Variants in PCTP observed in about 807,000 individuals in gnomAD.
PCTP encodes the protein phosphatidylcholine transfer protein.
Under a neutral mutation model 31.0 loss-of-function variants are expected in PCTP, and 27 were observed. That is an observed-to-expected ratio of 0.87 (90% CI 0.64 to 1.20). The LOEUF is 1.20. Among genes scored for constraint, PCTP ranks in the 50% most tolerant of loss-of-function variants. The probability of loss-of-function intolerance (pLI) is 0.00; values close to 1 mark genes in which losing one functional copy is unlikely to be tolerated. For synonymous variants in PCTP, 108 were observed against 101.2 expected (o/e 1.07, Z -0.40); for missense variants, 287 against 268.2 (o/e 1.07, Z -0.49).
rs571681414 is a variant in PCTP at position 55,773,768 on chromosome 17, G to A, written c.384G>A (p.Arg128=). The A allele has an allele frequency of 2.5e-6, 4 of 1,613,980 alleles. No homozygotes were observed. In the South Asian group the frequency reaches 4.4e-5, roughly 18 times the overall value. ...RQRRDLDMEG[R]KIHVILARST... Reference sequence around the variant, plus strand: ...GGCGAGACCTGGACATGGAAGGGAGGAAGATCCATGTGATCCTGGCCCGGA... The same window carrying A: ...GGCGAGACCTGGACATGGAAGGGAGAAAGATCCATGTGATCCTGGCCCGGA... The change falls in exon 4 of 6, where the codon AGG becomes AGA. Residue 128 remains arginine (R), a synonymous_variant. Transcript: ENST00000268896.
At chr17:55,831,175 G>C (rs924564316) in intron 5 of PCTP, among the ~76,000 whole-genome samples, 3 of 151,480 alleles carry the variant, frequency 2.0e-5, no homozygotes, top group Non-Finnish European at 4.4e-5. Flanking sequence ...TGAAATGCCA[G>C]GTTTAAAAAG....
intron 3 of PCTP, among the ~76,000 whole-genome samples, chr17:55,808,722 C>T (rs904230102): frequency 1.3e-5 from 2 of 152,142 alleles, no homozygotes; most frequent in Non-Finnish European, 2.9e-5. Context: ...CCTGCTGTAA[C>T]TAAGGGGCAG....
intron 1 of PCTP, among the ~76,000 whole-genome samples, chr17:55,766,703 A>C (rs1910681805): frequency 1.3e-5 from 2 of 152,122 alleles, no homozygotes; most frequent in African/African-American, 4.8e-5. Context: ...GCTATTGTGA[A>C]TAGAGCCGCA....
chr17:55,761,870 G>C (rs1435516950), intron 1 of PCTP, among the ~76,000 whole-genome samples: 1 of 151,950 alleles, frequency 6.6e-6, no homozygotes, highest in East Asian at 1.9e-4. Flanking sequence ...AGTCTTACCA[G>C]CACTATTCTG....
chr17:55,781,434 A>T (rs1911561523), downstream of PCTP, among the ~76,000 whole-genome samples: 2 of 152,226 alleles, frequency 1.3e-5, no homozygotes, highest in Admixed American at 1.3e-4. Context: ...TGAATAAATG[A>T]AATCCAGCAC....
downstream of PCTP, among the ~76,000 whole-genome samples, chr17:55,827,434 C>A (rs1417039473): frequency 6.6e-6 from 1 of 152,232 alleles, no homozygotes; most frequent in Non-Finnish European, 1.5e-5. Flanking sequence ...TTCAGTTAAG[C>A]CTGGCCCACA....
intron 5 of PCTP, among the ~76,000 whole-genome samples, chr17:55,837,905 G>T (rs1905828997): frequency 6.6e-6 from 1 of 152,156 alleles, no homozygotes; most frequent in African/African-American, 2.4e-5. Flanking sequence ...GGAGGCCATA[G>T]CTGGGAGAAT....
downstream of PCTP, among the ~76,000 whole-genome samples, chr17:55,843,830 A>G (rs1272466856): frequency 6.6e-6 from 1 of 152,238 alleles, no homozygotes; most frequent in African/African-American, 2.4e-5. Context: ...ATGTGTGTAT[A>G]TGAAATTAAA....
chr17:55,837,858 G>T (rs1014506417), intron 5 of PCTP, among the ~76,000 whole-genome samples: 1 of 152,162 alleles, frequency 6.6e-6, no homozygotes, highest in African/African-American at 2.4e-5. Context: ...AATGCAAGCT[G>T]AGTGCTGTGG....
downstream of PCTP, among the ~76,000 whole-genome samples, chr17:55,827,155 G>A (rs1356374245): frequency 6.6e-6 from 1 of 152,010 alleles, no homozygotes; most frequent in Admixed American, 6.6e-5. Context: ...TGCACTTTGA[G>A]TCTGAGCTAA....
At chr17:55,789,956 T>C (rs978752816) in intron 3 of PCTP, among the ~76,000 whole-genome samples, 1 of 152,156 alleles carries the variant, frequency 6.6e-6, no homozygotes, top group Admixed American at 6.5e-5. Context: ...TTATCCACCA[T>C]GATCAAGTGG....
At chr17:55,822,156 G>C (rs941392347) in intron 3 of PCTP, among the ~76,000 whole-genome samples, 1 of 152,180 alleles carries the variant, frequency 6.6e-6, no homozygotes, top group Admixed American at 6.6e-5. Flanking sequence ...GAGAAGGAAG[G>C]TGTTAAGCCC....
At chr17:55,817,362 A>G (rs1219888322) in intron 3 of PCTP, among the ~76,000 whole-genome samples, 2 of 152,202 alleles carry the variant, frequency 1.3e-5, no homozygotes, top group Non-Finnish European at 2.9e-5. Context: ...GAGTCCAGAA[A>G]GTTCCTCTTC....
At chr17:55,804,229 G>A (rs1912499108) in intron 3 of PCTP, among the ~76,000 whole-genome samples, 1 of 152,188 alleles carries the variant, frequency 6.6e-6, no homozygotes, top group Non-Finnish European at 1.5e-5. Context: ...TGCTGGAGGG[G>A]ATGTGGAGAA....
chr17:55,835,153 C>T (rs1476639228), intron 5 of PCTP, among the ~76,000 whole-genome samples: 1 of 152,152 alleles, frequency 6.6e-6, no homozygotes, highest in Non-Finnish European at 1.5e-5. Flanking sequence ...AGGAGGGATC[C>T]TCCCTTAGAG....
chr17:55,766,106 A>T (rs1430845757), intron 1 of PCTP, among the ~76,000 whole-genome samples: 1 of 152,092 alleles, frequency 6.6e-6, no homozygotes, highest in Non-Finnish European at 1.5e-5. Context: ...AATTACCTAG[A>T]TGGCACTTAT....
chr17:55,792,091 G>A (rs1912007511), intron 3 of PCTP, among the ~76,000 whole-genome samples: 1 of 144,488 alleles, frequency 6.9e-6, no homozygotes, highest in South Asian at 2.2e-4. Context: ...TCACTCATAG[G>A]TGGGAATTGA....
Position 55,773,735 on chromosome 17 carries a change from T to G in PCTP, c.351T>G (p.Leu117=). The G allele has an allele frequency of 1.2e-6, 2 of 1,613,018 alleles. No homozygotes were observed. The highest frequency in any genetic ancestry group is 8.5e-7 in the Non-Finnish European group (1 of 1,179,310). Residue 117 remains leucine (L), a synonymous_variant, in exon 4 of 6, where the codon CTT becomes CTG. Coordinates refer to ENST00000268896, the MANE Select transcript of PCTP (RefSeq NM_021213.4). ...AACTGGCTATGCAGTATGTCTACCT[T>G]CGGCAGCGGCGAGACCTGGACATGG... ...FPMSNRDYVY[L]RQRRDLDMEG...
downstream of PCTP, among the ~76,000 whole-genome samples, chr17:55,823,915 C>T (rs190759315): frequency 6.6e-6 from 1 of 152,146 alleles, no homozygotes; most frequent in Non-Finnish European, 1.5e-5. Flanking sequence ...TGCATAACTC[C>T]CTATTGCAGA....
Sources: gnomAD v4.1 joint callset for allele counts (sites outside exome capture counted in the v4.1 genomes callset) on GRCh38, gnomAD v4.1.1 for gene constraint, MANE v1.5 for transcripts, NCBI Gene and HGNC (gene_info 2026-07-23, HGNC 2026-07-21) for gene names.